Variants in LHCGR observed in about 807,000 individuals in gnomAD.
LHCGR encodes lutropin-choriogonadotropic hormone receptor.
In LHCGR, 55 loss-of-function variants were observed where a neutral mutation model predicts 60.7. That is an observed-to-expected ratio of 0.91 (90% CI 0.73 to 1.13). The LOEUF (loss-of-function observed/expected upper bound fraction) is 1.13. Among genes scored for constraint, LHCGR ranks in the 50% most tolerant of loss-of-function variants. LHCGR has a pLI of 0.00. For missense variants in LHCGR, 862 were observed against 836.0 expected, an observed-to-expected ratio of 1.03 and a Z score of -0.38; for synonymous variants, 337 against 316.5, an observed-to-expected ratio of 1.06 and a Z score of -0.69.
At chr2:48,752,312 T>C (rs1669991407) in intron 1 of LHCGR, among the ~76,000 whole-genome samples, 1 of 152,144 alleles carries the variant, frequency 6.6e-6, no homozygotes, top group Non-Finnish European at 1.5e-5. Flanking sequence ...ATGGAGGTCT[T>C]AGAAGGTAAG....
chr2:48,735,936 C>G (rs1010079950), intron 1 of LHCGR, among the ~76,000 whole-genome samples: 1 of 152,108 alleles, frequency 6.6e-6, no homozygotes, highest in Non-Finnish European at 1.5e-5. Context: ...TGCTGCTGCT[C>G]TTATGAGAGT....
At chr2:48,689,807 C>T (rs373987318) in intron 10 of LHCGR, among the ~76,000 whole-genome samples, 3 of 152,124 alleles carry the variant, frequency 2.0e-5, no homozygotes, top group Non-Finnish European at 4.4e-5. Context: ...CTCTGCCTCC[C>T]AGGTTCAAAC....
intron 1 of LHCGR, among the ~76,000 whole-genome samples, chr2:48,754,893 G>T (rs1052364162): frequency 1.2e-4 from 19 of 152,138 alleles, no homozygotes; most frequent in Non-Finnish European, 2.2e-4. Flanking sequence ...GAGTGTGGAG[G>T]TGGTGCGCGG....
intron 10 of LHCGR, 90 bp downstream of exon 10, chr2:48,694,134 C>G (rs1429931891): frequency 1.2e-6 from 1 of 868,248 alleles, no homozygotes; most frequent in Non-Finnish European, 1.9e-6. Flanking sequence ...GTAACCAAGA[C>G]TTGTATCAAA....
chr2:48,737,419 GT>G (rs1669248153), intron 1 of LHCGR, among the ~76,000 whole-genome samples: 1 of 152,158 alleles, frequency 6.6e-6, no homozygotes, highest in African/African-American at 2.4e-5. Context: ...AGAATTTGGT[GT>G]TTTTGTATTT....
At chr2:48,702,044 A>G (rs1294504083) in intron 8 of LHCGR, among the ~76,000 whole-genome samples, 1 of 151,940 alleles carries the variant, frequency 6.6e-6, no homozygotes, top group Non-Finnish European at 1.5e-5. Context: ...TTTGTTGAAT[A>G]AATAACATCT....
In LHCGR at chr2:48,697,075, T is replaced by A. The variant is rs111431304; in HGVS notation, c.866+1540A>T. 8.1e-3 allele frequency among the ~76,000 whole-genome samples: 1,236 copies of A among 152,352 alleles called. 7 individuals carry two copies. The highest frequency in any genetic ancestry group is 0.014 in the Non-Finnish European group (957 of 68,028). On this transcript the variant is annotated intron_variant, in intron 9 of 10. Transcript: ENST00000294954. ...ACCGGGCCTGGCACTCAGACCATCATGGCCCACATCTCCTTGGCTTCCTCT... is the reference window on the plus strand; with the variant it reads ...ACCGGGCCTGGCACTCAGACCATCAAGGCCCACATCTCCTTGGCTTCCTCT...
At chr2:48,726,394 A>G (rs993585705) in intron 3 of LHCGR, among the ~76,000 whole-genome samples, 9 of 152,196 alleles carry the variant, frequency 5.9e-5, no homozygotes, top group Admixed American at 1.3e-4. Context: ...CTCACAGGTT[A>G]GTAGGTTTTA....
intron 9 of LHCGR, 98 bp downstream of exon 9, chr2:48,698,517 G>C (rs2104391509): frequency 1.1e-6 from 1 of 921,828 alleles, no homozygotes; most frequent in Non-Finnish European, 1.8e-6. Context: ...CAAGAAGGTA[G>C]GGAGTGAAGG....
chr2:48,731,430 C>A, intron 1 of LHCGR, 132 bp from the exon 2 acceptor site: 2 of 666,782 alleles, frequency 3.0e-6, no homozygotes, highest in Non-Finnish European at 2.7e-6. Flanking sequence ...TGGATTCAGG[C>A]TGAGGATTCT....
chr2:48,701,473 C>T (rs542422993), intron 8 of LHCGR, among the ~76,000 whole-genome samples: 1 of 152,140 alleles, frequency 6.6e-6, no homozygotes. Flanking sequence ...TTTTGCTGTT[C>T]CCCCTCCTGG....
intron 1 of LHCGR, among the ~76,000 whole-genome samples, chr2:48,743,853 G>T (rs1413724335): frequency 2.0e-5 from 3 of 151,976 alleles, no homozygotes; most frequent in East Asian, 1.9e-4. Flanking sequence ...GGGCAATTAG[G>T]CAGGAGAAGG....
intron 1 of LHCGR, among the ~76,000 whole-genome samples, chr2:48,731,882 G>C (rs1356627454): frequency 6.6e-6 from 1 of 152,180 alleles, no homozygotes; most frequent in Admixed American, 6.5e-5. Context: ...GATCTCTACT[G>C]TCTTTCCCAG....
intron 6 of LHCGR, among the ~76,000 whole-genome samples, chr2:48,716,964 G>C (rs1470415507): frequency 6.6e-6 from 1 of 152,142 alleles, no homozygotes; most frequent in African/African-American, 2.4e-5. Flanking sequence ...TTTATAACAA[G>C]CTCTCCTAGT....
chr2:48,752,984 G>GT (rs1180558306), intron 1 of LHCGR, among the ~76,000 whole-genome samples: 1 of 94,104 alleles, frequency 1.1e-5, no homozygotes, highest in African/African-American at 4.4e-5. Flanking sequence ...ATTTTGGCGG[G>GT]GGGGGGGGGG....
chr2:48,748,439 A>G (rs1669806370), intron 1 of LHCGR, among the ~76,000 whole-genome samples: 1 of 152,184 alleles, frequency 6.6e-6, no homozygotes, highest in Admixed American at 6.5e-5. Context: ...ATTAGGAGGT[A>G]TGTGTCAGGG....
chr2:48,750,958 A>G (rs1669929679), intron 1 of LHCGR, among the ~76,000 whole-genome samples: 1 of 152,238 alleles, frequency 6.6e-6, no homozygotes, highest in African/African-American at 2.4e-5. Flanking sequence ...TCTGGCCCCA[A>G]TTGTCAATTG....
Position 48,755,693 on chromosome 2 carries a change from C to A in LHCGR, c.-22G>T. On this transcript the variant is annotated 5_prime_UTR_variant, in exon 1 of 11. Transcript: ENST00000294954. Reference sequence around the variant, plus strand: ...TCATGGCCGGCGAACTGGGCTTCTGCGGCTTGCCAGTGTCTTGGACGGCCT... The same window carrying A: ...TCATGGCCGGCGAACTGGGCTTCTGAGGCTTGCCAGTGTCTTGGACGGCCT... The A allele has an allele frequency of 1.3e-6, 2 of 1,534,096 alleles. No homozygotes were observed. The highest frequency in any genetic ancestry group is 1.7e-6 in the Non-Finnish European group (2 of 1,146,360).
At chr2:48,712,523 C>A (rs1333860521) in intron 7 of LHCGR, among the ~76,000 whole-genome samples, 2 of 152,166 alleles carry the variant, frequency 1.3e-5, no homozygotes, top group African/African-American at 2.4e-5. Flanking sequence ...GTTAATGAAC[C>A]TTTCATTAAG....
Sources: gnomAD v4.1 joint callset for allele counts (sites outside exome capture counted in the v4.1 genomes callset) on GRCh38, gnomAD v4.1.1 for gene constraint, MANE v1.5 for transcripts, NCBI Gene and HGNC (gene_info 2026-07-23, HGNC 2026-07-21) for gene names.